Variants in RPRD1B observed in about 807,000 individuals in gnomAD.
The protein encoded by RPRD1B is regulation of nuclear pre-mRNA domain containing 1B.
Under a neutral mutation model 41.5 loss-of-function variants are expected in RPRD1B, and 11 were observed. The ratio of observed to expected loss-of-function variants is 0.27; its 90% CI spans 0.17 to 0.44. The LOEUF (loss-of-function observed/expected upper bound fraction) is 0.44, where lower values mean the gene tolerates loss of function less well. Ranked by LOEUF, RPRD1B falls within the 20% of genes least tolerant of loss-of-function variation. The pLI is 1.00. For synonymous variants in RPRD1B, 158 were observed against 155.6 expected, an observed-to-expected ratio of 1.02 and a Z score of -0.12; for missense variants, 248 against 389.9, an observed-to-expected ratio of 0.64 and a Z score of 3.06.
At chr20:38,048,282 A>T in intron 2 of RPRD1B, 66 bp from the exon 3 acceptor site, 1 of 1,396,254 alleles carries the variant, frequency 7.2e-7, no homozygotes, top group Admixed American at 2.3e-5. Context: ...TTTTTTAAGT[A>T]GGTCTGTCCT....
intron 5 of RPRD1B, among the ~76,000 whole-genome samples, chr20:38,065,429 CCTT>C (rs1410910439): frequency 1.3e-5 from 2 of 152,112 alleles, no homozygotes; most frequent in East Asian, 1.9e-4. Context: ...GGTTCCAAGA[CCTT>C]CTGAGGATAC....
At chr20:38,074,490 G>A (rs2074440941) in intron 6 of RPRD1B, among the ~76,000 whole-genome samples, 1 of 152,216 alleles carries the variant, frequency 6.6e-6, no homozygotes, top group Admixed American at 6.5e-5. Context: ...TTGAAAAAGT[G>A]ACACGGTTTT....
chr20:38,056,878 T>C (rs565490341), intron 3 of RPRD1B, among the ~76,000 whole-genome samples: 8 of 152,336 alleles, frequency 5.3e-5, no homozygotes, highest in Admixed American at 2.6e-4. Flanking sequence ...AAAGAATGAT[T>C]TTGGAATTAA....
intron 3 of RPRD1B, among the ~76,000 whole-genome samples, chr20:38,057,048 T>G (rs1398375572): frequency 6.6e-6 from 1 of 152,228 alleles, no homozygotes; most frequent in African/African-American, 2.4e-5. Flanking sequence ...AATTTTAAGG[T>G]AAAATTAGAT....
rs1390924572 is a variant in RPRD1B, at chr20:38,034,057, C to T, written c.110C>T (p.Ala37Val). ...TGGCTCATCCACCACCGCAAGCACG[C>T]GGGACCCATCGTCTCCGTGTGGCAC... ...SLWLIHHRKH[A>V]GPIVSVWHRE... Residue 37 changes from alanine to valine, a missense_variant, in exon 1 of 7, where the codon GCG becomes GTG. Coordinates refer to ENST00000373433, the MANE Select transcript of RPRD1B (RefSeq NM_021215.4). 1.2e-6 allele frequency: 2 copies of T among 1,614,066 alleles called. No homozygotes were observed. Among genetic ancestry groups the T allele is most frequent in the East Asian group, 4.5e-5 (2 of 44,876 alleles).
Position 38,090,984 on chromosome 20 carries a change from A to T in RPRD1B, c.*1109A>T, listed in dbSNP as rs2074607400. On this transcript the variant is annotated 3_prime_UTR_variant, in exon 7 of 7. Coordinates refer to ENST00000373433, the MANE Select transcript of RPRD1B (RefSeq NM_021215.4). Reference sequence around the variant, plus strand: ...TGAATAGCTCGTCTCGGGCAGGGGAAGCGGGGAGTTGGGGATATTAATTGG... The same window carrying T: ...TGAATAGCTCGTCTCGGGCAGGGGATGCGGGGAGTTGGGGATATTAATTGG... The T allele has an allele frequency of 1.0e-6, 1 of 985,382 alleles. No homozygotes were observed. Among genetic ancestry groups the T allele is most frequent in the African/African-American group, 1.7e-5 (1 of 57,220 alleles). 61.0% of individuals were successfully genotyped at this position (985,382 alleles called of 1,614,324 possible).
At chr20:38,083,314 G>A (rs1355861667) in intron 6 of RPRD1B, among the ~76,000 whole-genome samples, 2 of 152,176 alleles carry the variant, frequency 1.3e-5, no homozygotes, top group Admixed American at 6.5e-5. Context: ...GAAGGATCCA[G>A]GTCCATTTAT....
intron 5 of RPRD1B, among the ~76,000 whole-genome samples, chr20:38,064,405 G>A (rs891126459): frequency 2.0e-5 from 3 of 152,156 alleles, no homozygotes; most frequent in African/African-American, 4.8e-5. Flanking sequence ...AGGAGAATGC[G>A]AGCTCTCACC....
In RPRD1B at chr20:38,033,864, G is replaced by T. The variant is rs1230556902; in HGVS notation, c.-84G>T. ...GGTAAAAAGTCCCGCAGCCTGTCAGGTGAGGCCCCGGCCTCGTGCCGTCGC... is the reference window on the plus strand; with the variant it reads ...GGTAAAAAGTCCCGCAGCCTGTCAGTTGAGGCCCCGGCCTCGTGCCGTCGC... On this transcript the variant is annotated 5_prime_UTR_variant, in exon 1 of 7. Transcript: ENST00000373433. The T allele has an allele frequency of 1.0e-4, 143 of 1,379,108 alleles. No homozygotes were observed. The highest frequency in any genetic ancestry group is 1.3e-5 in the Non-Finnish European group (13 of 1,022,698). The allele number at this position is 1,379,108 out of a possible 1,614,324, so 85.4% of individuals were successfully genotyped here.
At chr20:38,078,749 C>G (rs141119101) in intron 6 of RPRD1B, among the ~76,000 whole-genome samples, 1 of 152,136 alleles carries the variant, frequency 6.6e-6, no homozygotes, top group Non-Finnish European at 1.5e-5. Flanking sequence ...CTCACTAAGC[C>G]TATAGCTTGA....
chr20:38,081,401 A>G (rs1300436224), intron 6 of RPRD1B, among the ~76,000 whole-genome samples: 1 of 152,032 alleles, frequency 6.6e-6, no homozygotes, highest in African/African-American at 2.4e-5. Flanking sequence ...TTGTATATTG[A>G]TTTTGTGTCC....
chr20:38,077,652 CCCTT>C (rs1568660951), intron 6 of RPRD1B, among the ~76,000 whole-genome samples: 1 of 152,164 alleles, frequency 6.6e-6, no homozygotes, highest in African/African-American at 2.4e-5. Context: ...GAATCTGCCT[CCCTT>C]CTCTGCGTCT....
At chr20:38,057,794 G>T (rs1186997162) in intron 4 of RPRD1B, 150 bp downstream of exon 4, 1 of 565,412 alleles carries the variant, frequency 1.8e-6, no homozygotes. Flanking sequence ...GCCCAAAGGA[G>T]CTTGCCGGAT....
At chr20:38,069,292 A>G (rs939441816) in intron 6 of RPRD1B, among the ~76,000 whole-genome samples, 2 of 152,194 alleles carry the variant, frequency 1.3e-5, no homozygotes, top group African/African-American at 4.8e-5. Flanking sequence ...AGGAAATCAT[A>G]TTCTGGTATA....
At chr20:38,073,915 G>A (rs994751020) in intron 6 of RPRD1B, among the ~76,000 whole-genome samples, 7 of 152,134 alleles carry the variant, frequency 4.6e-5, no homozygotes, top group African/African-American at 7.2e-5. Flanking sequence ...GCCTAGTGCC[G>A]GCCCCCTCCT....
At chr20:38,034,727 T>G (rs1288145237) in intron 1 of RPRD1B, among the ~76,000 whole-genome samples, 1 of 152,144 alleles carries the variant, frequency 6.6e-6, no homozygotes, top group Non-Finnish European at 1.5e-5. Flanking sequence ...ACCTTACCTC[T>G]CCTCTCCTCT....
chr20:38,040,475 T>A lies in RPRD1B; in HGVS notation c.192T>A (p.Asn64Lys). The A allele has an allele frequency of 6.2e-7, 1 of 1,607,780 alleles. No homozygotes were observed. The highest frequency in any genetic ancestry group is 8.5e-7 in the Non-Finnish European group (1 of 1,177,342). The change falls in exon 2 of 7, where the codon AAT becomes AAA. Residue 64 changes from asparagine (N) to lysine (K), a missense_variant. By Grantham distance (94) the Asn-to-Lys change is moderately conservative. This residue lies in a region of RPRD1B where 47 missense variants were observed against 103.6 expected (regional missense o/e 0.45). Transcript: ENST00000373433. ...NRKLTFLYLA[N>K]DVIQNSKRKG... ...AGCTTACTTTTCTGTATTTAGCGAA[T>A]GATGTCATCCAAAACAGTAAAAGGA...
rs529022329 is a variant in RPRD1B, at chr20:38,068,343, T to TA, written c.831+2093dup. Among the ~76,000 whole-genome samples the TA allele has an allele frequency of 1.1e-3, 171 of 152,276 alleles. 1 individual carries two copies. The highest frequency in any genetic ancestry group is 4.0e-3 in the African/African-American group (165 of 41,550). On this transcript the variant is annotated intron_variant, in intron 6 of 6. Coordinates refer to ENST00000373433, the MANE Select transcript of RPRD1B (RefSeq NM_021215.4). Reference sequence around the variant, plus strand: ...GGCACATGAGCAGAACCATTTATTGTAAAAAATAGAGCCGATTTGCTGCAT... The same window carrying TA: ...GGCACATGAGCAGAACCATTTATTGTAAAAAAATAGAGCCGATTTGCTGCAT...
At chr20:38,069,207 C>T (rs374980943) in intron 6 of RPRD1B, among the ~76,000 whole-genome samples, 5 of 152,142 alleles carry the variant, frequency 3.3e-5, no homozygotes, top group Middle Eastern at 3.4e-3. Flanking sequence ...CAGGATAGGG[C>T]GTGTGATGAT....
Sources: allele counts gnomAD v4.1 joint callset (sites outside exome capture counted in the v4.1 genomes callset), GRCh38; gene constraint gnomAD v4.1.1; regional missense constraint gnomAD v4.1.1; transcripts MANE v1.5; gene names NCBI Gene and HGNC (gene_info 2026-07-23, HGNC 2026-07-21).